Variants in KCNIP4 observed in about 807,000 individuals in gnomAD.
The protein encoded by KCNIP4 is Kv channel-interacting protein 4.
A neutral mutation model predicts 34.0 loss-of-function variants in KCNIP4; 12 were observed. That is an observed-to-expected ratio of 0.35 (90% CI 0.23 to 0.57). KCNIP4 has a LOEUF of 0.57. Ranked by LOEUF, KCNIP4 falls within the 20% of genes least tolerant of loss-of-function variation. The pLI, the probability that KCNIP4 is intolerant of heterozygous loss-of-function variation, is 0.83. For missense variants in KCNIP4, 238 were observed against 311.7 expected (o/e 0.76, Z 1.78); for synonymous variants, 124 against 102.2 (o/e 1.21, Z -1.29).
At chr4:21,211,093 T>C (rs1757188887) in intron 1 of KCNIP4, among the ~76,000 whole-genome samples, 1 of 152,188 alleles carries the variant, frequency 6.6e-6, no homozygotes, top group Non-Finnish European at 1.5e-5. Flanking sequence ...AGGTTGGTCA[T>C]GTGATATCTT....
intron 1 of KCNIP4, among the ~76,000 whole-genome samples, chr4:21,747,051 T>C (rs1334306165): frequency 2.0e-5 from 3 of 152,170 alleles, no homozygotes; most frequent in Non-Finnish European, 4.4e-5. Flanking sequence ...CAAAATTTAG[T>C]TTCAATTCTA....
rs1002985302 is a variant in KCNIP4, at chr4:21,085,610, G to A, written c.62-202901C>T. On this transcript the variant is annotated intron_variant, in intron 1 of 8. Coordinates refer to ENST00000382152, the MANE Select transcript of KCNIP4 (RefSeq NM_025221.6). ...CAGATGTCAATTCTGGTTGGTCAAG[G>A]CTGCTGCTCTATCTGATTAGTTGGT... Among the ~76,000 whole-genome samples the A allele has an allele frequency of 3.3e-5, 5 of 152,126 alleles. No homozygotes were observed. The East Asian group carries it at 9.7e-4, about 29-fold the overall frequency.
At chr4:21,216,079 C>A (rs1757555760) in intron 1 of KCNIP4, among the ~76,000 whole-genome samples, 1 of 152,152 alleles carries the variant, frequency 6.6e-6, no homozygotes, top group Non-Finnish European at 1.5e-5. Context: ...GCATGAGCCA[C>A]CACGCCCAGC....
intron 1 of KCNIP4, among the ~76,000 whole-genome samples, chr4:21,384,356 C>G (rs1204641844): frequency 1.3e-5 from 2 of 152,100 alleles, no homozygotes; most frequent in African/African-American, 4.8e-5. Context: ...TATTGCAAAT[C>G]AAAGTGACTG....
chr4:21,459,716 T>C (rs1438970624), intron 1 of KCNIP4, among the ~76,000 whole-genome samples: 1 of 152,014 alleles, frequency 6.6e-6, no homozygotes, highest in African/African-American at 2.4e-5. Context: ...GGTGAAGTCT[T>C]ATAATTAGTG....
intron 2 of KCNIP4, among the ~76,000 whole-genome samples, chr4:20,864,240 A>G (rs577529208): frequency 7.0e-6 from 1 of 142,952 alleles, no homozygotes; most frequent in African/African-American, 2.6e-5. Context: ...ATGTACACAT[A>G]TGTATGTATA....
chr4:20,819,369 A>C (rs984352105), intron 3 of KCNIP4, among the ~76,000 whole-genome samples: 36 of 152,180 alleles, frequency 2.4e-4, no homozygotes, highest in African/African-American at 8.7e-4. Context: ...CTGCTCCCAC[A>C]GTATGATAGG....
chr4:21,783,320 A>C (rs952528079), intron 1 of KCNIP4, among the ~76,000 whole-genome samples: 5 of 152,198 alleles, frequency 3.3e-5, no homozygotes, highest in African/African-American at 1.2e-4. Context: ...AACTAAAACT[A>C]ACTTTAAAAA....
intron 1 of KCNIP4, among the ~76,000 whole-genome samples, chr4:21,488,044 T>C (rs1475869897): frequency 6.6e-6 from 1 of 152,204 alleles, no homozygotes; most frequent in Non-Finnish European, 1.5e-5. Flanking sequence ...GCTACTGTGG[T>C]ATTCTTGCTT....
chr4:21,137,877 T>TTTTTTC (rs1751627755), intron 1 of KCNIP4, among the ~76,000 whole-genome samples: 1 of 137,338 alleles, frequency 7.3e-6, no homozygotes, highest in African/African-American at 2.7e-5. Context: ...CAGGCTTTTT[T>TTTTTTC]GTTTTTTTTT....
In KCNIP4 at chr4:21,261,478, T is replaced by C. The variant is rs538300751; in HGVS notation, c.62-378769A>G. On this transcript the variant is annotated intron_variant, in intron 1 of 8. Transcript: ENST00000382152. ...AACCACCACCTTCCACTGAATCAAT[T>C]ACACTCCTGTGTCATGAACATCACC... Among the ~76,000 whole-genome samples the C allele has an allele frequency of 1.2e-4, 18 of 152,262 alleles. No individual in the cohort carries two copies. The South Asian group carries it at 3.7e-3, about 32-fold the overall frequency.
At chr4:21,783,086 G>T (rs183103270) in intron 1 of KCNIP4, among the ~76,000 whole-genome samples, 7 of 150,756 alleles carry the variant, frequency 4.6e-5, no homozygotes, top group Admixed American at 4.6e-4. Context: ...TAGGTATTTT[G>T]ATCATGGTGG....
chr4:21,858,232 T>C (rs922226577), intron 1 of KCNIP4, among the ~76,000 whole-genome samples: 2 of 152,254 alleles, frequency 1.3e-5, no homozygotes, highest in Non-Finnish European at 1.5e-5. Flanking sequence ...AAGGCGCCAC[T>C]GGCCACAGAA....
At chr4:20,919,480 G>A (rs1193892383) in intron 1 of KCNIP4, among the ~76,000 whole-genome samples, 1 of 151,584 alleles carries the variant, frequency 6.6e-6, no homozygotes, top group African/African-American at 2.4e-5. Context: ...GAGGCGGGCA[G>A]ATCCCAAGGT....
chr4:21,902,937 G>A (rs566206230), intron 1 of KCNIP4, among the ~76,000 whole-genome samples: 1 of 152,192 alleles, frequency 6.6e-6, no homozygotes, highest in African/African-American at 2.4e-5. Context: ...CACTGTTTCT[G>A]GGCATCTTCA....
intron 1 of KCNIP4, among the ~76,000 whole-genome samples, chr4:21,284,761 CGT>C (rs1165438192): frequency 4.1e-4 from 55 of 134,262 alleles, no homozygotes; most frequent in African/African-American, 1.2e-3. Flanking sequence ...TGTGTGTGTG[CGT>C]GTGTGTGTGT....
chr4:21,020,996 G>T (rs1457240625), intron 1 of KCNIP4, among the ~76,000 whole-genome samples: 2 of 152,150 alleles, frequency 1.3e-5, no homozygotes, highest in Non-Finnish European at 2.9e-5. Context: ...TGTGTCCTTA[G>T]GGGATTCTGT....
chr4:20,911,599 T>C (rs991221324), intron 1 of KCNIP4, among the ~76,000 whole-genome samples: 3 of 152,194 alleles, frequency 2.0e-5, no homozygotes, highest in Admixed American at 2.0e-4. Flanking sequence ...TAAGGCTAAA[T>C]TGCATTGTTC....
chr4:21,167,747 AT>A (rs1388881171), intron 1 of KCNIP4, among the ~76,000 whole-genome samples: 2 of 152,192 alleles, frequency 1.3e-5, no homozygotes, highest in Non-Finnish European at 2.9e-5. Flanking sequence ...GGAGTACAGA[AT>A]GAAAAATGAA....
Sources: gnomAD v4.1 joint callset for allele counts (sites outside exome capture counted in the v4.1 genomes callset) on GRCh38, gnomAD v4.1.1 for gene constraint, MANE v1.5 for transcripts, NCBI Gene and HGNC (gene_info 2026-07-23, HGNC 2026-07-21) for gene names.